SPARCL1: variants seen among roughly 807,000 people sequenced by gnomAD.
SPARCL1 encodes the protein SPARC like 1.
Under a neutral mutation model 67.1 loss-of-function variants are expected in SPARCL1, and 52 were observed. The ratio of observed to expected loss-of-function variants is 0.78; its 90% CI spans 0.62 to 0.98. SPARCL1 has a LOEUF of 0.98. SPARCL1 is among the 50% of genes least tolerant of loss of function. The pLI, the probability that SPARCL1 is intolerant of heterozygous loss-of-function variation, is 0.00. For missense variants in SPARCL1, 717 were observed against 782.4 expected (o/e 0.92, Z 1.00); for synonymous variants, 226 against 267.8 (o/e 0.84, Z 1.52).
At chr4:87,483,700 A>G (rs1296015058) in intron 7 of SPARCL1, among the ~76,000 whole-genome samples, 1 of 152,230 alleles carries the variant, frequency 6.6e-6, no homozygotes, top group South Asian at 2.1e-4. Context: ...TACTCCCACC[A>G]ACAATATGAA....
At chr4:87,489,576 T>C (rs2110223072) in intron 7 of SPARCL1, among the ~76,000 whole-genome samples, 1 of 152,326 alleles carries the variant, frequency 6.6e-6, no homozygotes, top group East Asian at 1.9e-4. Flanking sequence ...TTGAGGCCAC[T>C]ATCTCAAAGA....
At chr4:87,504,738 A>G (rs1725005619) in intron 1 of SPARCL1, 1 of 152,208 alleles carries the variant, frequency 6.6e-6, no homozygotes, top group Non-Finnish European at 1.5e-5. Context: ...AAAAACCACC[A>G]TTGTGACAAA....
chr4:87,504,211 AG>A (rs1430060372), intron 1 of SPARCL1, among the ~76,000 whole-genome samples: 1 of 127,256 alleles, frequency 7.9e-6, no homozygotes, highest in Non-Finnish European at 1.7e-5. Context: ...GGGTTGAATC[AG>A]GGGTGTGGGG....
chr4:87,490,914 G>T, intron 5 of SPARCL1, 36 bp from the exon 6 acceptor site: 1 of 1,141,480 alleles, frequency 8.8e-7, no homozygotes, highest in Non-Finnish European at 1.3e-6. Flanking sequence ...CATGGACAAA[G>T]TTAAATTGAG....
chr4:87,503,704 A>T (rs1192381438), intron 1 of SPARCL1, among the ~76,000 whole-genome samples: 1 of 142,848 alleles, frequency 7.0e-6, no homozygotes. Flanking sequence ...TTTAATACAG[A>T]GTCTTGCTCT....
chr4:87,500,927 A>G (rs193072443), intron 1 of SPARCL1, among the ~76,000 whole-genome samples: 8 of 152,326 alleles, frequency 5.3e-5, no homozygotes, highest in Admixed American at 6.5e-5. Context: ...CCAAGTAGTC[A>G]TTTCATGTGT....
intron 1 of SPARCL1, among the ~76,000 whole-genome samples, chr4:87,509,591 C>T (rs1725260088): frequency 6.6e-6 from 1 of 152,144 alleles, no homozygotes; most frequent in South Asian, 2.1e-4. Flanking sequence ...GGTGAAGTTG[C>T]AGAAGCATCG....
chr4:87,481,708 A>G (rs1447109165), intron 8 of SPARCL1, among the ~76,000 whole-genome samples: 1 of 152,234 alleles, frequency 6.6e-6, no homozygotes. Flanking sequence ...ACTTATACAT[A>G]TATTTGCTGA....
In SPARCL1 at chr4:87,510,701, G is replaced by C. The variant is rs574308735; in HGVS notation, c.-11-11116C>G. 7.2e-5 allele frequency among the ~76,000 whole-genome samples: 11 copies of C among 152,274 alleles called. No homozygotes were observed. In the South Asian group the frequency reaches 1.9e-3, roughly 26 times the overall value. On this transcript the variant is annotated intron_variant, in intron 1 of 10. Coordinates refer to ENST00000282470, the MANE Select transcript of SPARCL1 (RefSeq NM_004684.6). ...TCATCTGTGTGACCTCATTCCTCTT[G>C]GGCACTGGACAAGAACTCGGACACA...
chr4:87,486,888 CTTTTTTTTTTTTTTTTTTTTTTTTT>C (rs57597004), intron 7 of SPARCL1, among the ~76,000 whole-genome samples: 851 of 28,022 alleles, frequency 0.03, 15 homozygotes, highest in Middle Eastern at 0.12. Context: ...GCAATTCCTG[CTTTTTTTTTTTTTTTTTTTTTTTTT>C]TTTTTTTTTT....
In SPARCL1 at chr4:87,493,944, T is replaced by G. The variant is rs370423106; in HGVS notation, c.856A>C (p.Lys286Gln). 1.1e-4 allele frequency: 170 copies of G among 1,614,078 alleles called. No homozygotes were observed. Among genetic ancestry groups the G allele is most frequent in the Non-Finnish European group, 1.3e-4 (156 of 1,180,032 alleles). The change falls in exon 4 of 11, where the codon AAG becomes CAG. Residue 286 changes from lysine (K) to glutamine (Q), a missense_variant. Coordinates refer to ENST00000282470, the MANE Select transcript of SPARCL1 (RefSeq NM_004684.6). ...TGCCATTCAGTTTCTTGAATGTGCT[T>G]ATTGACGTTCGATGCATTTTCCTCT... ...MEEENASNVN[K>Q]HIQETEWQSQ...
intron 1 of SPARCL1, among the ~76,000 whole-genome samples, chr4:87,519,991 G>T (rs1007580054): frequency 1.3e-5 from 2 of 152,102 alleles, no homozygotes; most frequent in Non-Finnish European, 2.9e-5. Context: ...TGTAATCCCA[G>T]CACTTTGGGA....
At chr4:87,505,724 GTT>G (rs1553970443) in intron 1 of SPARCL1, among the ~76,000 whole-genome samples, 4 of 141,102 alleles carry the variant, frequency 2.8e-5, no homozygotes, top group Admixed American at 7.1e-5. Flanking sequence ...TCAGCTAATT[GTT>G]TTTTTTTTTT....
chr4:87,508,385 A>T (rs1395099686), intron 1 of SPARCL1, among the ~76,000 whole-genome samples: 1 of 151,214 alleles, frequency 6.6e-6, no homozygotes, highest in Non-Finnish European at 1.5e-5. Context: ...TTTTCTGTAG[A>T]GACAGGATCT....
At position 87,518,918 on chromosome 4, in the gene SPARCL1, T is replaced by C. The variant is rs1446666915; in HGVS notation, c.-12+10127A>G. On this transcript the variant is annotated intron_variant, in intron 1 of 10. Transcript: ENST00000282470. Reference sequence around the variant, plus strand: ...AGGTTGGGAGGATCCACTGAACTAATGGCTTGAAAGTTAAAAATGATTTCA... The same window carrying C: ...AGGTTGGGAGGATCCACTGAACTAACGGCTTGAAAGTTAAAAATGATTTCA... Among the ~76,000 whole-genome samples the C allele has an allele frequency of 2.6e-5, 4 of 152,326 alleles. No homozygotes were observed. In the East Asian group the frequency reaches 7.7e-4, roughly 29 times the overall value.
In SPARCL1 at chr4:87,490,157, T is replaced by C. The variant is rs912114755; in HGVS notation, c.1531+116A>G. ...TTTTAAGTTTCTCCAGTTGATAATT[T>C]TTGTGTTCAGAACTACATCAGCTTT... On this transcript the variant is annotated intron_variant, in intron 7 of 10. Coordinates refer to ENST00000282470, the MANE Select transcript of SPARCL1 (RefSeq NM_004684.6). The C allele has an allele frequency of 8.8e-6, 10 of 1,131,080 alleles. No homozygotes were observed. In the African/African-American group the frequency reaches 1.4e-4, roughly 16 times the overall value. 70.1% of individuals were successfully genotyped at this position (1,131,080 alleles called of 1,614,324 possible).
chr4:87,490,689 A>C (rs1377129245), intron 6 of SPARCL1, 71 bp downstream of exon 6: 2 of 1,092,162 alleles, frequency 1.8e-6, no homozygotes, highest in Non-Finnish European at 2.7e-6. Context: ...CAAAAATTTC[A>C]ATGGCAAATA....
Position 87,482,852 on chromosome 4 carries a change from G to C in SPARCL1, c.1532-292C>G, listed in dbSNP as rs538359199. On this transcript the variant is annotated intron_variant, in intron 7 of 10. Transcript: ENST00000282470. ...CAAGATCTATTTGGATGTGCAGCTA[G>C]GCCCCAGAATCACTGCTGTAGAATC... Among the ~76,000 whole-genome samples the C allele has an allele frequency of 2.5e-3, 387 of 152,330 alleles. 1 individual carries two copies. Among genetic ancestry groups the C allele is most frequent in the African/African-American group, 8.8e-3 (365 of 41,574 alleles).
intron 10 of SPARCL1, among the ~76,000 whole-genome samples, chr4:87,475,448 G>A (rs1723547948): frequency 6.6e-6 from 1 of 152,040 alleles, no homozygotes; most frequent in African/African-American, 2.4e-5. Context: ...CCATCATCTA[G>A]ATGTTGTTGT....
Sources: gnomAD v4.1 joint callset for allele counts (sites outside exome capture counted in the v4.1 genomes callset) on GRCh38, gnomAD v4.1.1 for gene constraint, MANE v1.5 for transcripts, NCBI Gene and HGNC (gene_info 2026-07-23, HGNC 2026-07-21) for gene names.